MAPRE2: variants seen among roughly 807,000 people sequenced by gnomAD.
MAPRE2 encodes microtubule-associated protein RP/EB family member 2.
Under a neutral mutation model 43.2 loss-of-function variants are expected in MAPRE2, and 13 were observed. The observed-to-expected ratio is 0.30, with a 90% CI of 0.20 to 0.48. The LOEUF is 0.48. MAPRE2 is among the 20% of genes least tolerant of loss of function. The pLI, the probability that MAPRE2 is intolerant of heterozygous loss-of-function variation, is 0.99. For synonymous variants in MAPRE2, 135 were observed against 148.8 expected (o/e 0.91, Z 0.68); for missense variants, 161 against 400.2 (o/e 0.40, Z 5.10).
intron 1 of MAPRE2, among the ~76,000 whole-genome samples, chr18:35,045,622 C>T (rs142097872): frequency 6.5e-4 from 99 of 152,104 alleles, no homozygotes; most frequent in African/African-American, 2.3e-3. Context: ...TTTTTGTGCA[C>T]GTGTGTGTAT....
chr18:35,023,324 AAC>A (rs1472914627), intron 2 of MAPRE2, among the ~76,000 whole-genome samples: 1 of 151,884 alleles, frequency 6.6e-6, no homozygotes, highest in African/African-American at 2.4e-5. Flanking sequence ...CATCCTGGTG[AAC>A]ACTGTGAAAC....
Position 35,041,462 on chromosome 18 carries a change from C to T in MAPRE2, c.-78C>T, listed in dbSNP as rs946551766. The T allele has an allele frequency of 2.5e-6, 4 of 1,609,002 alleles. No individual in the cohort carries two copies. Among genetic ancestry groups the T allele is most frequent in the Non-Finnish European group, 3.4e-6 (4 of 1,177,964 alleles). On this transcript the variant is annotated 5_prime_UTR_variant, in exon 1 of 7. Transcript: ENST00000300249. ...GCAGGCACGGTCCGTGCGGAGCAGG[C>T]GAGCGAGCGGGAAGACGCAGCCACC...
At chr18:35,005,974 C>T (rs1294826512) in intron 2 of MAPRE2, among the ~76,000 whole-genome samples, 2 of 151,986 alleles carry the variant, frequency 1.3e-5, no homozygotes, top group African/African-American at 4.8e-5. Context: ...TGAGAGCGTG[C>T]GAGCGTGCGA....
chr18:35,111,157 G>T (rs1291451181), intron 4 of MAPRE2, among the ~76,000 whole-genome samples: 1 of 151,968 alleles, frequency 6.6e-6, no homozygotes, highest in Non-Finnish European at 1.5e-5. Context: ...CTCTTCTTTA[G>T]ATTAGATGGT....
intron 2 of MAPRE2, among the ~76,000 whole-genome samples, chr18:35,085,456 A>G (rs889716753): frequency 2.0e-5 from 3 of 152,228 alleles, no homozygotes; most frequent in Non-Finnish European, 4.4e-5. Context: ...AAATATGGCT[A>G]TGTTACTGAG....
intron 2 of MAPRE2, among the ~76,000 whole-genome samples, chr18:35,033,197 G>T (rs905051076): frequency 3.3e-5 from 5 of 152,134 alleles, no homozygotes; most frequent in African/African-American, 1.2e-4. Flanking sequence ...GGGATGCAAG[G>T]CTGGTTCAAT....
intron 4 of MAPRE2, among the ~76,000 whole-genome samples, chr18:35,104,581 T>G (rs1908820373): frequency 6.6e-6 from 1 of 151,754 alleles, no homozygotes; most frequent in East Asian, 1.9e-4. Context: ...AAGGAAAAGG[T>G]GAGATGTCAA....
intron 1 of MAPRE2, among the ~76,000 whole-genome samples, chr18:35,061,738 T>C (rs1906540712): frequency 6.6e-6 from 1 of 152,204 alleles, no homozygotes; most frequent in Non-Finnish European, 1.5e-5. Flanking sequence ...TCCTGTAATC[T>C]CTCTCCAGGA....
intron 1 of MAPRE2, among the ~76,000 whole-genome samples, chr18:35,066,199 T>A (rs1044540801): frequency 1.3e-5 from 2 of 152,234 alleles, no homozygotes; most frequent in African/African-American, 4.8e-5. Flanking sequence ...AATTCCTACC[T>A]TCCATAGGAT....
At chr18:34,996,531 C>A (rs2097026613) in intron 1 of MAPRE2, among the ~76,000 whole-genome samples, 1 of 152,074 alleles carries the variant, frequency 6.6e-6, no homozygotes, top group Non-Finnish European at 1.5e-5. Flanking sequence ...CAACATGGTA[C>A]CTGGAATCTA....
upstream of MAPRE2, among the ~76,000 whole-genome samples, chr18:35,038,425 C>T (rs894204727): frequency 6.6e-6 from 1 of 152,214 alleles, no homozygotes; most frequent in Admixed American, 6.5e-5. Context: ...GTTGGGGAGA[C>T]CCTCTTTATG....
chr18:34,994,325 A>G (rs968884931), intron 1 of MAPRE2, among the ~76,000 whole-genome samples: 1 of 152,162 alleles, frequency 6.6e-6, no homozygotes, highest in Non-Finnish European at 1.5e-5. Context: ...TATGAGCACT[A>G]TTCAACATTA....
intron 1 of MAPRE2, among the ~76,000 whole-genome samples, chr18:34,998,750 A>ACTGAGC (rs1425847198): frequency 2.1e-5 from 3 of 143,050 alleles, no homozygotes; most frequent in African/African-American, 8.0e-5. Context: ...GGCGTGAGCC[A>ACTGAGC]CTGAGCCTGG....
chr18:35,048,604 A>G (rs1325349219), intron 1 of MAPRE2, among the ~76,000 whole-genome samples: 1 of 149,220 alleles, frequency 6.7e-6, no homozygotes, highest in Non-Finnish European at 1.5e-5. Context: ...TGTATACTAT[A>G]TACACATAGT....
At chr18:35,084,699 C>T (rs956754559) in intron 2 of MAPRE2, among the ~76,000 whole-genome samples, 1 of 152,210 alleles carries the variant, frequency 6.6e-6, no homozygotes, top group Non-Finnish European at 1.5e-5. Context: ...TTCCTGCTGG[C>T]TATTACTCCT....
intron 2 of MAPRE2, among the ~76,000 whole-genome samples, chr18:35,086,959 T>C (rs1450907213): frequency 1.3e-5 from 2 of 152,174 alleles, no homozygotes; most frequent in African/African-American, 4.8e-5. Context: ...TATCTGAAAA[T>C]TTCCACTTTA....
chr18:35,079,993 C>G (rs970048503), intron 2 of MAPRE2, among the ~76,000 whole-genome samples: 5 of 152,156 alleles, frequency 3.3e-5, no homozygotes, highest in Non-Finnish European at 5.9e-5. Context: ...GTAATAAGTG[C>G]TGTATTCAAA....
At chr18:35,020,219 A>C (rs562399917) in intron 2 of MAPRE2, among the ~76,000 whole-genome samples, 1 of 152,292 alleles carries the variant, frequency 6.6e-6, no homozygotes, top group South Asian at 2.1e-4. Context: ...TGAATAATAC[A>C]GGTCAAGATA....
chr18:35,061,556 G>A (rs1480529213), intron 1 of MAPRE2, among the ~76,000 whole-genome samples: 3 of 152,082 alleles, frequency 2.0e-5, no homozygotes, highest in South Asian at 2.1e-4. Context: ...ATAGAGCCCC[G>A]TAAAAATAAA....
Sources: allele counts gnomAD v4.1 joint callset (sites outside exome capture counted in the v4.1 genomes callset), GRCh38; gene constraint gnomAD v4.1.1; transcripts MANE v1.5; gene names NCBI Gene and HGNC (gene_info 2026-07-23, HGNC 2026-07-21).